Variants in C10orf90 observed in about 807,000 individuals in gnomAD.
C10orf90 encodes (E2-independent) E3 ubiquitin-conjugating enzyme FATS.
C10orf90 carries 56 observed loss-of-function variants against 62.5 expected under a neutral mutation model. The observed-to-expected ratio is 0.90, with a 90% confidence interval of 0.72 to 1.12. C10orf90 has a LOEUF of 1.12. Ranked by LOEUF, C10orf90 falls within the 50% of genes most tolerant of loss-of-function variation. C10orf90 has a pLI of 0.00. For synonymous variants in C10orf90, 386 were observed against 340.4 expected, an observed-to-expected ratio of 1.13 and a Z score of -1.47; for missense variants, 970 against 880.4, an observed-to-expected ratio of 1.10 and a Z score of -1.29.
At chr10:126,490,060 TAA>T (rs1491150118) in intron 4 of C10orf90, among the ~76,000 whole-genome samples, 3 of 120,234 alleles carry the variant, frequency 2.5e-5, no homozygotes, top group African/African-American at 9.7e-5. Context: ...TTATGTTATA[TAA>T]TATATAATAT....
intron 4 of C10orf90, among the ~76,000 whole-genome samples, chr10:126,492,245 A>AG (rs1591003479): frequency 4.6e-5 from 7 of 152,080 alleles, no homozygotes. Flanking sequence ...GTTGTGTGCT[A>AG]GGGGGAGAAG....
intron 2 of C10orf90, among the ~76,000 whole-genome samples, chr10:126,538,719 G>A (rs1455674250): frequency 6.6e-6 from 1 of 152,128 alleles, no homozygotes; most frequent in African/African-American, 2.4e-5. Flanking sequence ...ACATCCCACA[G>A]CTCCAAAGTG....
intron 2 of C10orf90, among the ~76,000 whole-genome samples, chr10:126,632,683 T>C (rs1845873687): frequency 6.6e-6 from 1 of 152,122 alleles, no homozygotes; most frequent in Admixed American, 6.5e-5. Flanking sequence ...CTCTTTTCAA[T>C]GAACTTTTAG....
At chr10:126,621,521 T>C (rs1162779087) in intron 2 of C10orf90, among the ~76,000 whole-genome samples, 1 of 152,192 alleles carries the variant, frequency 6.6e-6, no homozygotes, top group Non-Finnish European at 1.5e-5. Context: ...TTTTGCTGAG[T>C]GGATGGAGTT....
chr10:126,565,209 A>G (rs1173636456), intron 2 of C10orf90, among the ~76,000 whole-genome samples: 1 of 61,640 alleles, frequency 1.6e-5, no homozygotes, highest in African/African-American at 5.7e-5. Context: ...CATATTATGT[A>G]ATATAATTTT....
chr10:126,507,741 T>C (rs1479587939), intron 3 of C10orf90, among the ~76,000 whole-genome samples: 4 of 152,042 alleles, frequency 2.6e-5, no homozygotes, highest in Admixed American at 6.6e-5. Flanking sequence ...TCCCGAAAAA[T>C]TACATTAGAA....
At chr10:126,627,939 C>T (rs1326332453) in intron 2 of C10orf90, among the ~76,000 whole-genome samples, 1 of 152,194 alleles carries the variant, frequency 6.6e-6, no homozygotes, top group Non-Finnish European at 1.5e-5. Context: ...GTTGATTTCT[C>T]AAAATGCTGG....
intron 2 of C10orf90, among the ~76,000 whole-genome samples, chr10:126,612,924 G>C (rs963778497): frequency 1.1e-4 from 17 of 152,176 alleles, no homozygotes; most frequent in African/African-American, 3.9e-4. Context: ...TAGGAAAAAT[G>C]CTCGCCCTCG....
rs377010024 is a variant in C10orf90 at position 126,504,771 on chromosome 10, C to T, written c.720G>A (p.Thr240=). ...GGGCTGGGGGGCCCACGCGTCTGGC[C>T]GTGATGGTGATGGATGCAAACCCTC... ...PRRGFASITI[T]ARRVGPPARA... is the part of the protein sequence containing the mutation. The change falls in exon 4 of 10, where the codon ACG becomes ACA. Residue 240 remains threonine, a synonymous_variant. Transcript: ENST00000488181. The surrounding 1 kb of genome is among the most constrained non-coding windows in gnomAD (Gnocchi z 4.1). 1.2e-4 allele frequency: 186 copies of T among 1,585,562 alleles called. No homozygotes were observed. The highest frequency in any genetic ancestry group is 5.7e-4 in the Admixed American group (33 of 57,632).
At chr10:126,664,891 G>A (rs1189624213) in intron 1 of C10orf90, among the ~76,000 whole-genome samples, 1 of 152,228 alleles carries the variant, frequency 6.6e-6, no homozygotes, top group Non-Finnish European at 1.5e-5. Flanking sequence ...GTTGACAGGT[G>A]CAGGGAGGGC....
intron 8 of C10orf90, among the ~76,000 whole-genome samples, chr10:126,426,798 T>A (rs1047929786): frequency 6.6e-6 from 1 of 152,136 alleles, no homozygotes; most frequent in Non-Finnish European, 1.5e-5. Flanking sequence ...CTCTCTCTCG[T>A]GTTTGAAAGC....
chr10:126,448,017 C>CTTTTT (rs1186409126), intron 7 of C10orf90, among the ~76,000 whole-genome samples: 136 of 79,208 alleles, frequency 1.7e-3, no homozygotes, highest in Non-Finnish European at 2.1e-3. Context: ...ATGCCTGGCT[C>CTTTTT]TTTTTTTTTT....
chr10:126,425,816 C>T lies in C10orf90; in HGVS notation c.*48G>A, dbSNP rs372617517. On this transcript the variant is annotated 3_prime_UTR_variant, in exon 10 of 10. Coordinates refer to ENST00000488181, the MANE Select transcript of C10orf90 (RefSeq NM_001350921.2). ...TAAGTTTAATGGCTTATCCAGCATTCGAAGTCCTCCCAGGTCCAGGTAGTG... is the reference window on the plus strand; with the variant it reads ...TAAGTTTAATGGCTTATCCAGCATTTGAAGTCCTCCCAGGTCCAGGTAGTG... The T allele has an allele frequency of 3.6e-5, 57 of 1,578,024 alleles. No homozygotes were observed. The highest frequency in any genetic ancestry group is 3.6e-4 in the Middle Eastern group (2 of 5,532).
rs528150561 is a variant in C10orf90, at chr10:126,547,731, A to G, written c.314-33792T>C. On this transcript the variant is annotated intron_variant, in intron 2 of 9. Transcript: ENST00000488181. The stretch of plus-strand genomic sequence containing the variant: ...AATATTAGAATTTTAAAAACTAATG[A>G]AACAAAAAGCTCAGTAAAGAAGCTC... Among the ~76,000 whole-genome samples, 38 of 152,230 alleles carry G rather than the reference A, an allele frequency of 2.5e-4. 1 individual carries two copies. In the South Asian group the frequency reaches 7.3e-3, roughly 29 times the overall value.
At chr10:126,516,980 C>T (rs61865865) in intron 2 of C10orf90, among the ~76,000 whole-genome samples, 1 of 152,112 alleles carries the variant, frequency 6.6e-6, no homozygotes, top group Non-Finnish European at 1.5e-5. Flanking sequence ...TTAGATTGGG[C>T]CCACCTGGAA....
chr10:126,580,814 T>C (rs1844734372), intron 2 of C10orf90, among the ~76,000 whole-genome samples: 1 of 152,016 alleles, frequency 6.6e-6, no homozygotes, highest in Admixed American at 6.5e-5. Flanking sequence ...CAAAAGTGTA[T>C]ATATGTGTGT....
intron 5 of C10orf90, among the ~76,000 whole-genome samples, 180 bp downstream of exon 5, chr10:126,464,516 C>G (rs1173347929): frequency 6.6e-6 from 1 of 152,194 alleles, no homozygotes; most frequent in Admixed American, 6.5e-5. Flanking sequence ...GGGCTGCCTC[C>G]TGGGTGCTTG....
chr10:126,563,172 C>G (rs1302055791), intron 2 of C10orf90, among the ~76,000 whole-genome samples: 1 of 152,226 alleles, frequency 6.6e-6, no homozygotes, highest in Admixed American at 6.5e-5. Context: ...ATGCTGGGCA[C>G]GTCCACTCAC....
At chr10:126,631,454 A>T (rs1845848655) in intron 2 of C10orf90, among the ~76,000 whole-genome samples, 1 of 152,070 alleles carries the variant, frequency 6.6e-6, no homozygotes, top group African/African-American at 2.4e-5. Context: ...CTACACCTGA[A>T]GCAGAATGGC....
Sources: gnomAD v4.1 joint callset for allele counts (sites outside exome capture counted in the v4.1 genomes callset) on GRCh38, gnomAD v4.1.1 for gene constraint, Gnocchi (gnomAD v3.1) non-coding constraint, MANE v1.5 for transcripts, NCBI Gene and HGNC (gene_info 2026-07-23, HGNC 2026-07-21) for gene names.